Variants in SLCO3A1 observed in about 807,000 individuals in gnomAD.
The protein encoded by SLCO3A1 is solute carrier organic anion transporter family member 3A1.
SLCO3A1 carries 27 observed loss-of-function variants against 63.1 expected under a neutral mutation model. That is an observed-to-expected ratio of 0.43 (90% CI 0.32 to 0.59). The LOEUF is 0.59. SLCO3A1 is among the 20% of genes least tolerant of loss of function. SLCO3A1 has a pLI of 0.09. For synonymous variants in SLCO3A1, 473 were observed against 409.9 expected (o/e 1.15, Z -1.86); for missense variants, 773 against 945.8 (o/e 0.82, Z 2.40).
intron 2 of SLCO3A1, among the ~76,000 whole-genome samples, chr15:92,070,060 A>G (rs1220085781): frequency 6.6e-6 from 1 of 152,232 alleles, no homozygotes; most frequent in Non-Finnish European, 1.5e-5. Context: ...CGACTGCTTC[A>G]AGCAAGTCAT....
rs192702915 is a variant in SLCO3A1 at position 91,988,131 on chromosome 15, G to A, written c.646+71673G>A. Among the ~76,000 whole-genome samples the A allele has an allele frequency of 6.7e-3, 1,026 of 152,274 alleles. 6 individuals are homozygous for A. Among genetic ancestry groups the A allele is most frequent in the African/African-American group, 0.022 (934 of 41,546 alleles). On this transcript the variant is annotated intron_variant, in intron 2 of 9. Transcript: ENST00000318445. ...TGAAAAATGGCGTAGGGTTGGGTGC[G>A]GTGGTGCACGCCTATAATTCTAGCA... is the stretch of plus-strand genomic sequence containing the variant.
chr15:91,889,600 A>C (rs1897820481), intron 1 of SLCO3A1, among the ~76,000 whole-genome samples: 2 of 152,236 alleles, frequency 1.3e-5, no homozygotes, highest in Admixed American at 6.5e-5. Context: ...CACCTAGAAT[A>C]TGCTTGTATT....
At chr15:92,035,812 G>A (rs1445400149) in intron 2 of SLCO3A1, among the ~76,000 whole-genome samples, 1 of 151,836 alleles carries the variant, frequency 6.6e-6, no homozygotes, top group African/African-American at 2.4e-5. Flanking sequence ...ATGCAGCCCA[G>A]TGCTGTTTGC....
At chr15:92,132,040 C>T (rs974785235) in intron 7 of SLCO3A1, among the ~76,000 whole-genome samples, 3 of 145,670 alleles carry the variant, frequency 2.1e-5, no homozygotes, top group African/African-American at 7.5e-5. Context: ...CAGGCTTTCT[C>T]AACACCCAGC....
chr15:91,941,499 T>C lies in SLCO3A1; in HGVS notation c.646+25041T>C. 2.2e-6 allele frequency: 1 copy of C among 455,158 alleles called. No homozygotes were observed. The highest frequency in any genetic ancestry group is 1.6e-5 in the South Asian group (1 of 64,382). The allele number at this position is 455,158 out of a possible 1,614,324, so 28.2% of individuals were successfully genotyped here. ...ACTTCAACTCTGAGCCTTGATTGAG[T>C]GACCTTGGCCAAGTTACCTAGCTTT... is the stretch of plus-strand genomic sequence containing the variant. On this transcript the variant is annotated intron_variant, in intron 2 of 9. Coordinates refer to ENST00000318445, the MANE Select transcript of SLCO3A1 (RefSeq NM_013272.4). This position sits in a 1 kb window ranked among gnomAD's most constrained non-coding sequence, Gnocchi z 4.4.
chr15:92,128,446 G>C lies in SLCO3A1; in HGVS notation c.1469G>C (p.Gly490Ala), dbSNP rs773744339. ...DSFTPVCGADGITYLSACFAG... is the reference protein window; with the variant it reads ...DSFTPVCGADAITYLSACFAG... The stretch of plus-strand genomic sequence containing the variant: ...TTCACTCCAGTGTGTGGGGCAGATG[G>C]CATCACCTACCTGTCTGCCTGCTTT... Residue 490 changes from glycine to alanine, a missense_variant, in exon 7 of 10, where the codon GGC (glycine) becomes GCC (alanine). Gly to Ala is a moderately conservative substitution (Grantham distance 60). Transcript: ENST00000318445. 3.7e-6 allele frequency: 6 copies of C among 1,613,968 alleles called. No homozygotes were observed. Among genetic ancestry groups the C allele is most frequent in the Non-Finnish European group, 5.1e-6 (6 of 1,179,928 alleles).
chr15:91,974,626 G>A (rs1234887946), intron 2 of SLCO3A1, among the ~76,000 whole-genome samples: 1 of 152,098 alleles, frequency 6.6e-6, no homozygotes, highest in East Asian at 1.9e-4. Context: ...GGGAGGTGGG[G>A]TGAGGGGAAG....
At chr15:92,053,688 G>GT (rs1210658894) in intron 2 of SLCO3A1, among the ~76,000 whole-genome samples, 1 of 11,924 alleles carries the variant, frequency 8.4e-5, no homozygotes, top group African/African-American at 1.7e-4. Context: ...TTTTTTGTTT[G>GT]TTTGTTTGTT....
intron 2 of SLCO3A1, among the ~76,000 whole-genome samples, chr15:92,059,647 C>T (rs1486062166): frequency 6.6e-6 from 1 of 152,092 alleles, no homozygotes; most frequent in African/African-American, 2.4e-5. Context: ...TGGCTGGCTT[C>T]CCTGGATTTA....
chr15:91,999,558 A>C (rs905534005), intron 2 of SLCO3A1, among the ~76,000 whole-genome samples: 1 of 152,236 alleles, frequency 6.6e-6, no homozygotes, highest in Non-Finnish European at 1.5e-5. Context: ...ACTGTCCTAC[A>C]CCTTTCAGAT....
At chr15:91,880,107 G>A (rs572735079) in intron 1 of SLCO3A1, among the ~76,000 whole-genome samples, 2,354 of 91,378 alleles carry the variant, frequency 0.026, 21 homozygotes, top group Middle Eastern at 0.044. Flanking sequence ...GTGTCCGTCC[G>A]TCCGTCCGTC....
intron 2 of SLCO3A1, among the ~76,000 whole-genome samples, chr15:91,999,391 C>A: frequency 6.6e-6 from 1 of 151,876 alleles, no homozygotes; most frequent in Non-Finnish European, 1.5e-5. Context: ...TTAAGAATTC[C>A]TAAAAATTAG....
chr15:91,940,985 C>G (rs74028386), intron 2 of SLCO3A1, among the ~76,000 whole-genome samples: 3,556 of 152,188 alleles, frequency 0.023, 137 homozygotes, highest in African/African-American at 0.081. Context: ...GCTTTGCCAC[C>G]CTGCCGTTTT....
rs186160197 is a variant in SLCO3A1, at chr15:91,919,706, G to A, written c.646+3248G>A. Among the ~76,000 whole-genome samples the A allele has an allele frequency of 3.2e-4, 49 of 151,996 alleles. No homozygotes were observed. In the East Asian group the frequency reaches 4.8e-3, roughly 15 times the overall value. On this transcript the variant is annotated intron_variant, in intron 2 of 9. Coordinates refer to ENST00000318445, the MANE Select transcript of SLCO3A1 (RefSeq NM_013272.4). Reference sequence around the variant, plus strand: ...AGTCGTATTTGCTTTTTATGAAAGTGTAAGTAGGATGATGGAATGGGCTTA... The same window carrying A: ...AGTCGTATTTGCTTTTTATGAAAGTATAAGTAGGATGATGGAATGGGCTTA...
rs1482282609 is a variant in SLCO3A1 at position 91,912,459 on chromosome 15, G to A, written c.181-3534G>A. 6.6e-6 allele frequency among the ~76,000 whole-genome samples: 1 copy of A among 152,180 alleles called. No individual in the cohort carries two copies. Among genetic ancestry groups the A allele is most frequent in the Non-Finnish European group, 1.5e-5 (1 of 68,028 alleles). ...TCTGCAAAGAGCAGGTGGGAGCCAG[G>A]ACAAGAGCTGCAGGCACGGGCGTTA... On this transcript the variant is annotated intron_variant, in intron 1 of 9. Transcript: ENST00000318445. The surrounding 1 kb of genome is among the most constrained non-coding windows in gnomAD (Gnocchi z 5.0).
chr15:92,142,286 C>T (rs2048144261), intron 7 of SLCO3A1, among the ~76,000 whole-genome samples: 1 of 152,216 alleles, frequency 6.6e-6, no homozygotes, highest in Non-Finnish European at 1.5e-5. Flanking sequence ...TATATCAAAA[C>T]ACTTTAAAGT....
chr15:92,022,825 G>A (rs546809981), intron 2 of SLCO3A1, among the ~76,000 whole-genome samples: 5 of 152,294 alleles, frequency 3.3e-5, no homozygotes, highest in South Asian at 4.1e-4. Context: ...TTGACAGGAG[G>A]CTTCCCAGGA....
chr15:91,895,989 A>G (rs1381341593), intron 1 of SLCO3A1, among the ~76,000 whole-genome samples: 3 of 152,220 alleles, frequency 2.0e-5, no homozygotes, highest in African/African-American at 7.2e-5. Context: ...GAAGCTATTC[A>G]GTTAAAAGCA....
chr15:91,973,113 C>G (rs188761993), intron 2 of SLCO3A1, among the ~76,000 whole-genome samples: 1 of 152,284 alleles, frequency 6.6e-6, no homozygotes, highest in Non-Finnish European at 1.5e-5. Flanking sequence ...GACTCCGTCT[C>G]AAAAAGAAAA....
Sources: gnomAD v4.1 joint callset for allele counts (sites outside exome capture counted in the v4.1 genomes callset) on GRCh38, gnomAD v4.1.1 for gene constraint, Gnocchi (gnomAD v3.1) non-coding constraint, MANE v1.5 for transcripts, NCBI Gene and HGNC (gene_info 2026-07-23, HGNC 2026-07-21) for gene names.